The following MYH6 variants were observed in gnomAD, a reference collection of about 807,000 sequenced individuals.
MYH6 encodes the protein myosin heavy chain 6, also known as myosin-6.
In MYH6, 126 loss-of-function variants were observed where a neutral mutation model predicts 223.2. The ratio of observed to expected loss-of-function variants is 0.56; its 90% confidence interval spans 0.49 to 0.65. MYH6 has a LOEUF of 0.65. Among genes scored for constraint, MYH6 ranks in the 30% least tolerant of loss-of-function variants. The pLI is 0.00. For synonymous variants in MYH6, 978 were observed against 1,010.2 expected, an observed-to-expected ratio of 0.97 and a Z score of 0.61; for missense variants, 2,040 against 2,536.4, an observed-to-expected ratio of 0.80 and a Z score of 4.20.
intron 20 of MYH6, 137 bp from the exon 21 acceptor site, chr14:23,394,460 G>A: frequency 8.7e-7 from 1 of 1,145,830 alleles, no homozygotes; most frequent in South Asian, 1.6e-5. Context: ...CACTGAACAT[G>A]GAGTTGCTTG....
At position 23,397,598 on chromosome 14, in the gene MYH6, C is replaced by T. The variant is rs1168624799; in HGVS notation, c.1907G>A (p.Ser636Asn). 6.2e-7 allele frequency: 1 copy of T among 1,614,164 alleles called. No homozygotes were observed. The highest frequency in any genetic ancestry group is 8.5e-7 in the Non-Finnish European group (1 of 1,180,038). ...TGAGCCCTTTTTCTTGCCTCCTTTG[C>T]TTTTACCACTGTCCCCTAAACAGCG... ...ATADTGDSGK[S>N]KGGKKKGSSF... Residue 636 changes from serine to asparagine, a missense_variant, in exon 16 of 39, where the codon AGC becomes AAC. Around this residue, in one of 4 missense-constraint regions of MYH6, gnomAD observed 649 missense variants for 877.3 expected, o/e 0.74. Transcript: ENST00000405093.
Position 23,381,992 on chromosome 14 carries a change from C to A in MYH6, c.*48G>T. On this transcript the variant is annotated 3_prime_UTR_variant, in exon 39 of 39. Coordinates refer to ENST00000405093, the MANE Select transcript of MYH6 (RefSeq NM_002471.4). ...ACAGATGGGCTCAGGCAGAGTTTGG[C>A]ACTCATATTTATTACAGGTTGGCAA... The A allele has an allele frequency of 6.2e-7, 1 of 1,614,120 alleles. No individual in the cohort carries two copies. Among genetic ancestry groups the A allele is most frequent in the Non-Finnish European group, 8.5e-7 (1 of 1,179,976 alleles).
rs1891392676 is a variant in MYH6 at position 23,396,317 on chromosome 14, A to G, written c.2396T>C (p.Met799Thr). The G allele has an allele frequency of 3.7e-6, 6 of 1,614,178 alleles. No homozygotes were observed. The highest frequency in any genetic ancestry group is 5.1e-6 in the Non-Finnish European group (6 of 1,180,028). Residue 799 changes from methionine (M) to threonine (T), a missense_variant, in exon 20 of 39, where the codon ATG becomes ACG. Coordinates refer to ENST00000405093, the MANE Select transcript of MYH6 (RefSeq NM_002471.4). Reference sequence around the variant, plus strand: ...CACTATCTTCTTGAACTCAATGCGCATGAGCTGGCCCCGGGCTTGGGCCTG... The same window carrying G: ...CACTATCTTCTTGAACTCAATGCGCGTGAGCTGGCCCCGGGCTTGGGCCTG... ...RMQAQARGQL[M>T]RIEFKKIVER...
At chr14:23,406,781 G>A (rs1186576619) in intron 3 of MYH6, among the ~76,000 whole-genome samples, 1 of 152,170 alleles carries the variant, frequency 6.6e-6, no homozygotes, top group African/African-American at 2.4e-5. Flanking sequence ...CGAACACTGA[G>A]GTTCTTCTTC....
chr14:23,389,410 G>C lies in MYH6; in HGVS notation c.3961C>G (p.Leu1321Val). The change falls in exon 28 of 39, where the codon CTG (leucine) becomes GTG (valine). Residue 1321 changes from leucine to valine, a missense_variant. Coordinates refer to ENST00000405093, the MANE Select transcript of MYH6 (RefSeq NM_002471.4). ...GGCCTCACCTTGCCCTCCTCCTCCA[G>C]CTGCCTTTTGAGGTCCTCCATTTGC... ...TQQMEDLKRQ[L>V]EEEGKAKNAL... The C allele has an allele frequency of 6.2e-7, 1 of 1,614,148 alleles. No individual in the cohort carries two copies. The highest frequency in any genetic ancestry group is 8.5e-7 in the Non-Finnish European group (1 of 1,180,024).
intron 32 of MYH6, 21 bp downstream of exon 32, chr14:23,387,508 C>T (rs1891066367): frequency 6.2e-7 from 1 of 1,611,766 alleles, no homozygotes. Context: ...GGATGGGGTG[C>T]AGGGAGTTCT....
chr14:23,387,532 T>G lies in MYH6; in HGVS notation c.4647A>C (p.Ala1549=). ...GCAGGGAGTTCTCGGCCCTCACCTC[T>G]GCCTCCTCCAGGGCTGACTGCAGCT... is the stretch of plus-strand genomic sequence containing the variant. The part of the protein sequence containing the change: ...KLELQSALEE[A]EASLEHEEGK... The change falls in exon 32 of 39, where the codon GCA becomes GCC. Residue 1549 remains alanine, a synonymous_variant. Transcript: ENST00000405093. 1 of 1,613,664 alleles carries G rather than the reference T, an allele frequency of 6.2e-7. No homozygotes were observed.
intron 36 of MYH6, 75 bp downstream of exon 36, chr14:23,384,367 G>A (rs1432549564): frequency 1.3e-6 from 2 of 1,596,350 alleles, no homozygotes. Context: ...GGTGAGAGGA[G>A]CCCTGTGAGG....
At chr14:23,397,116 G>A (rs758539937) in intron 17 of MYH6, 36 bp from the exon 18 acceptor site, 5 of 1,614,122 alleles carry the variant, frequency 3.1e-6, no homozygotes, top group East Asian at 2.2e-5. Flanking sequence ...GTCAGCCTTA[G>A]GGTAAAGTGG....
rs1277170187 is a variant in MYH6 at position 23,386,313 on chromosome 14, A to G, written c.4959+2T>C. The G allele has an allele frequency of 6.2e-7, 1 of 1,614,090 alleles. No homozygotes were observed. Among genetic ancestry groups the G allele is most frequent in the South Asian group, 1.1e-5 (1 of 91,080 alleles). ...CTGAGGGGACCTCCCGCCCCCATGT[A>G]CCTTCAGCAAGCTCTGGAGGCTCTT... On this transcript the variant is annotated splice_donor_variant, in intron 33 of 38. Transcript: ENST00000405093. LOFTEE classifies it high-confidence loss of function.
rs886039039 is a variant in MYH6, at chr14:23,404,720, A to T, written c.633T>A (p.Asn211Lys). 1.9e-6 allele frequency: 3 copies of T among 1,613,976 alleles called. No individual in the cohort carries two copies. The East Asian group carries it at 6.7e-5, about 36-fold the overall frequency. ...IGDRGKKDNA[N>K]ANKGTLEDQI... ...GTGTCCCCCATGGCACCTTGTTCGC[A>T]TTGGCATTGTCCTTCTTGCCACGGT... Residue 211 changes from asparagine to lysine, a missense_variant, in exon 7 of 39, where the codon AAT becomes AAA. Asn to Lys is a moderately conservative substitution (Grantham distance 94). Transcript: ENST00000405093.
chr14:23,408,084 TG>T (rs1891841990), intron 1 of MYH6, among the ~76,000 whole-genome samples, 168 bp downstream of exon 1: 1 of 152,176 alleles, frequency 6.6e-6, no homozygotes, highest in South Asian at 2.1e-4. Context: ...GGGTTTCCTG[TG>T]GAACCTCCTT....
intron 3 of MYH6, among the ~76,000 whole-genome samples, chr14:23,406,152 C>T (rs549432960): frequency 2.6e-5 from 4 of 152,258 alleles, no homozygotes; most frequent in Admixed American, 6.5e-5. Flanking sequence ...CCGCGGGCAG[C>T]GCTTTAGGGT....
At position 23,407,790 on chromosome 14, in the gene MYH6, ACC is replaced by A. The variant is rs1891834210; in HGVS notation, c.-46-184_-46-183del. Among the ~76,000 whole-genome samples the A allele has an allele frequency of 3.3e-5, 5 of 152,118 alleles. No homozygotes were observed. Among genetic ancestry groups the A allele is most frequent in the African/African-American group, 1.2e-4 (5 of 41,424 alleles). On this transcript the variant is annotated intron_variant, in intron 1 of 38. Coordinates refer to ENST00000405093, the MANE Select transcript of MYH6 (RefSeq NM_002471.4). This position sits in a 1 kb window ranked among gnomAD's most constrained non-coding sequence, Gnocchi z 5.6. ...GACGCAGAGGCAGAAAAGAAAGGGC[ACC>A]GAGTCAATATGAGTGCGAGGGACGG...
chr14:23,398,263 GCCTCGGCCTC>G (rs1891490411), intron 15 of MYH6, among the ~76,000 whole-genome samples: 1 of 151,910 alleles, frequency 6.6e-6, no homozygotes, highest in African/African-American at 2.4e-5. Context: ...TGATCCACCC[GCCTCGGCCTC>G]CCAAAGTGCT....
intron 12 of MYH6, 82 bp downstream of exon 12, chr14:23,402,382 C>CA (rs1479584252): frequency 3.1e-6 from 5 of 1,595,914 alleles, no homozygotes; most frequent in Non-Finnish European, 4.3e-6. Flanking sequence ...CCACAAGCCT[C>CA]AGAGTCTCTG....
chr14:23,398,795 G>A lies in MYH6; in HGVS notation c.1824C>T (p.Ala608=). Residue 608 remains alanine (A), a synonymous_variant, in exon 15 of 39, where the codon GCC becomes GCT. Coordinates refer to ENST00000405093, the MANE Select transcript of MYH6 (RefSeq NM_002471.4). ...GCTTGAGGGAGGACTTCTGGTACAG[G>A]GCCACAACAGTCTCGTTGAGAGGAT... The part of the protein sequence containing the change: ...NKDPLNETVV[A]LYQKSSLKLM... 3 of 1,614,192 alleles carry A rather than the reference G, an allele frequency of 1.9e-6. No homozygotes were observed. Among genetic ancestry groups the A allele is most frequent in the East Asian group, 2.2e-5 (1 of 44,878 alleles).
intron 18 of MYH6, 39 bp downstream of exon 18, chr14:23,396,924 C>T (rs1891413796): frequency 6.2e-7 from 1 of 1,612,340 alleles, no homozygotes; most frequent in African/African-American, 1.3e-5. Context: ...CAGCCTGGCT[C>T]CCCCTGTTCT....
intron 36 of MYH6, 68 bp from the exon 37 acceptor site, chr14:23,383,388 A>G (rs1475888292): frequency 1.6e-6 from 2 of 1,239,230 alleles, no homozygotes; most frequent in Non-Finnish European, 2.3e-6. Context: ...TCCCTCCTCC[A>G]TCATTTTACT....
Sources: allele counts gnomAD v4.1 joint callset (sites outside exome capture counted in the v4.1 genomes callset), GRCh38; gene constraint gnomAD v4.1.1; regional missense constraint gnomAD v4.1.1; non-coding constraint Gnocchi (gnomAD v3.1); transcripts MANE v1.5; gene names NCBI Gene and HGNC (gene_info 2026-07-23, HGNC 2026-07-21).